UROS: variants seen among roughly 807,000 people sequenced by gnomAD.
UROS encodes uroporphyrinogen III synthase.
A neutral mutation model predicts 33.0 loss-of-function variants in UROS; 18 were observed. The observed-to-expected ratio is 0.55, with a 90% confidence interval of 0.38 to 0.81. The LOEUF is 0.81. Ranked by LOEUF, UROS falls within the 30% of genes least tolerant of loss-of-function variation. The pLI is 0.00. For missense variants in UROS, 293 were observed against 314.9 expected (o/e 0.93, Z 0.53); for synonymous variants, 114 against 121.1 (o/e 0.94, Z 0.38).
intron 7 of UROS, among the ~76,000 whole-genome samples, chr10:125,797,053 C>T (rs927307629): frequency 3.3e-5 from 5 of 152,242 alleles, no homozygotes; most frequent in Non-Finnish European, 7.4e-5. Context: ...TTCTTGTTCC[C>T]GAAAAGCTAA....
chr10:125,816,338 C>T (rs1853317346), intron 2 of UROS, 78 bp from the exon 3 acceptor site: 2 of 1,599,868 alleles, frequency 1.3e-6, no homozygotes, highest in Non-Finnish European at 8.6e-7. Flanking sequence ...TATTCTGCGT[C>T]AGTTCCTCTG....
At chr10:125,789,057 G>A (rs1850737718) in intron 9 of UROS, 52 bp from the exon 10 acceptor site, 1 of 1,604,212 alleles carries the variant, frequency 6.2e-7, no homozygotes, top group Non-Finnish European at 8.5e-7. Flanking sequence ...AGGGGCTGGG[G>A]CAGCAGGCAG....
chr10:125,797,105 T>C (rs896385868), intron 7 of UROS, among the ~76,000 whole-genome samples: 11 of 152,186 alleles, frequency 7.2e-5, no homozygotes, highest in Non-Finnish European at 1.5e-5. Context: ...CTGCCTTTAT[T>C]CCTGGTAGCT....
chr10:125,810,246 C>T lies in UROS; in HGVS notation c.319+1968G>A, dbSNP rs116293667. On this transcript the variant is annotated intron_variant, in intron 5 of 9. Coordinates refer to ENST00000368797, the MANE Select transcript of UROS (RefSeq NM_000375.3). ...AAAGAAATGGCAGAAGAAATGGATG[C>T]CACTTCCAAGATTAGGTTATAAAAA... Among the ~76,000 whole-genome samples the T allele has an allele frequency of 4.6e-3, 696 of 152,258 alleles. 6 individuals are homozygous for T. Among genetic ancestry groups the T allele is most frequent in the African/African-American group, 0.016 (665 of 41,542 alleles).
chr10:125,800,866 A>G (rs1027339085), intron 6 of UROS, among the ~76,000 whole-genome samples: 3 of 152,124 alleles, frequency 2.0e-5, no homozygotes, highest in Non-Finnish European at 4.4e-5. Context: ...CACTGCGCCC[A>G]GCTGAGGGCT....
intron 5 of UROS, among the ~76,000 whole-genome samples, chr10:125,810,322 T>G (rs2133915773): frequency 6.6e-6 from 1 of 152,352 alleles, no homozygotes; most frequent in African/African-American, 2.4e-5. Context: ...TTGGATTGCC[T>G]TGCGACAGGG....
intron 6 of UROS, among the ~76,000 whole-genome samples, chr10:125,801,436 C>G (rs549293622): frequency 6.6e-6 from 1 of 152,270 alleles, no homozygotes; most frequent in Admixed American, 6.5e-5. Flanking sequence ...ACAATAGTGC[C>G]TGTCACAAAG....
chr10:125,795,173 A>G (rs757254131), intron 8 of UROS, 195 bp from the exon 9 acceptor site: 2 of 625,216 alleles, frequency 3.2e-6, no homozygotes, highest in Non-Finnish European at 5.8e-6. Flanking sequence ...TGGAAAGAGC[A>G]GGCTGCCATC....
intron 1 of UROS, among the ~76,000 whole-genome samples, chr10:125,817,138 T>C (rs1272933384): frequency 1.3e-5 from 2 of 151,758 alleles, no homozygotes; most frequent in Non-Finnish European, 1.5e-5. Context: ...ATGCTCACAC[T>C]AGAATTCTTT....
rs1850737900 is a variant in UROS at position 125,789,058 on chromosome 10, C to G, written c.661-53G>C. On this transcript the variant is annotated intron_variant, in intron 9 of 9. Transcript: ENST00000368797. ...TTCAGCACACCAGGAGGGGCTGGGG[C>G]AGCAGGCAGCTGGATGTGTGCAGGG... is the stretch of plus-strand genomic sequence containing the variant. 6.2e-6 allele frequency: 10 copies of G among 1,604,614 alleles called. No homozygotes were observed. The South Asian group carries it at 1.1e-4, about 18-fold the overall frequency.
Position 125,794,890 on chromosome 10 carries a change from T to C in UROS, c.650A>G (p.Asp217Gly), listed in dbSNP as rs1400665585. The C allele has an allele frequency of 6.2e-7, 1 of 1,612,974 alleles. No homozygotes were observed. The highest frequency in any genetic ancestry group is 8.5e-7 in the Non-Finnish European group (1 of 1,179,308). The part of the protein sequence containing the change: ...HIQELSGDNI[D>G]QIKFAAIGPT... ...CATTGAATAACTTACCTTAATTTGA[T>C]CGATATTGTCACCAGATAACTCCTG... Residue 217 changes from aspartate (D) to glycine (G), a missense_variant, in exon 9 of 10, where the codon GAT (aspartate) becomes GGT (glycine). Asp to Gly is a moderately conservative substitution (Grantham distance 94). Coordinates refer to ENST00000368797, the MANE Select transcript of UROS (RefSeq NM_000375.3).
chr10:125,794,752 C>T, intron 9 of UROS, 128 bp downstream of exon 9: 2 of 863,826 alleles, frequency 2.3e-6, no homozygotes, highest in East Asian at 5.4e-5. Context: ...TAGAGCTGCC[C>T]TTCCAATTCT....
At chr10:125,801,702 A>G (rs1474219130) in intron 6 of UROS, among the ~76,000 whole-genome samples, 1 of 152,244 alleles carries the variant, frequency 6.6e-6, no homozygotes, top group African/African-American at 2.4e-5. Context: ...AGGAAATGGC[A>G]GAAGTTTGCA....
intron 5 of UROS, among the ~76,000 whole-genome samples, chr10:125,809,975 G>A (rs538431023): frequency 3.3e-5 from 5 of 152,300 alleles, no homozygotes; most frequent in East Asian, 3.9e-4. Flanking sequence ...CTTCCACACC[G>A]AAATCCCTTG....
At chr10:125,788,481 T>C, downstream of UROS, 2 of 1,030,604 alleles carry the variant, frequency 1.9e-6, no homozygotes, top group Non-Finnish European at 2.4e-6. Flanking sequence ...GCAAATTTTC[T>C]GATTCATAGC....
intron 1 of UROS, among the ~76,000 whole-genome samples, chr10:125,821,270 T>G (rs1478784683): frequency 6.6e-6 from 1 of 152,162 alleles, no homozygotes; most frequent in Non-Finnish European, 1.5e-5. Context: ...ATAAACAAAA[T>G]GTGGTCTATA....
At chr10:125,810,336 G>A (rs894692493) in intron 5 of UROS, among the ~76,000 whole-genome samples, 8 of 152,180 alleles carry the variant, frequency 5.3e-5, no homozygotes, top group South Asian at 2.1e-4. Context: ...GACAGGGGAC[G>A]CCAGCTGCCA....
At chr10:125,802,943 A>C (rs1589960913) in intron 6 of UROS, 2 of 1,612,596 alleles carry the variant, frequency 1.2e-6, no homozygotes, top group East Asian at 4.5e-5. Context: ...TAAACCCCAG[A>C]TATTACTCCA....
chr10:125,792,287 CTG>C (rs1850995737), intron 9 of UROS: 1 of 152,198 alleles, frequency 6.6e-6, no homozygotes, highest in Non-Finnish European at 1.5e-5. Flanking sequence ...CCTTTCACTC[CTG>C]TGTCAATGAA....
Sources: allele counts gnomAD v4.1 joint callset (sites outside exome capture counted in the v4.1 genomes callset), GRCh38; gene constraint gnomAD v4.1.1; transcripts MANE v1.5; gene names NCBI Gene and HGNC (gene_info 2026-07-23, HGNC 2026-07-21).